CHSY1: variants seen among roughly 807,000 people sequenced by gnomAD.
CHSY1 encodes chondroitin sulfate synthase 1.
Under a neutral mutation model 59.8 loss-of-function variants are expected in CHSY1, and 13 were observed. The observed-to-expected ratio is 0.22, with a 90% confidence interval of 0.14 to 0.35. CHSY1 has a LOEUF of 0.35. Among genes scored for constraint, CHSY1 ranks in the 10% least tolerant of loss-of-function variants. The probability of loss-of-function intolerance (pLI) is 1.00; values close to 1 mark genes in which losing one functional copy is unlikely to be tolerated. For missense variants in CHSY1, 947 were observed against 1,030.6 expected, an observed-to-expected ratio of 0.92 and a Z score of 1.11; for synonymous variants, 459 against 401.2, an observed-to-expected ratio of 1.14 and a Z score of -1.72.
chr15:101,245,036 C>T (rs2039037053), intron 1 of CHSY1, among the ~76,000 whole-genome samples: 1 of 152,236 alleles, frequency 6.6e-6, no homozygotes, highest in African/African-American at 2.4e-5. Context: ...TCCTGTCCAG[C>T]TCTAGCTAGG....
At chr15:101,247,809 T>C (rs2039066073) in intron 1 of CHSY1, among the ~76,000 whole-genome samples, 1 of 152,238 alleles carries the variant, frequency 6.6e-6, no homozygotes, top group Non-Finnish European at 1.5e-5. Context: ...TGTGTAATGA[T>C]GGAGATGTTC....
intron 2 of CHSY1, among the ~76,000 whole-genome samples, chr15:101,192,057 C>T (rs2038452143): frequency 2.0e-5 from 3 of 152,248 alleles, no homozygotes; most frequent in South Asian, 2.1e-4. Context: ...CTAAAAAGCC[C>T]TATACAAAAA....
At chr15:101,195,581 G>A (rs1051195186) in intron 2 of CHSY1, among the ~76,000 whole-genome samples, 1 of 152,222 alleles carries the variant, frequency 6.6e-6, no homozygotes, top group African/African-American at 2.4e-5. Context: ...CAGCACCTTG[G>A]GAGGCTGAGA....
chr15:101,237,906 A>G (rs1473707091), intron 1 of CHSY1, among the ~76,000 whole-genome samples: 1 of 152,232 alleles, frequency 6.6e-6, no homozygotes, highest in African/African-American at 2.4e-5. Context: ...ACCTGTTACA[A>G]GTGTATTTAT....
chr15:101,237,787 G>A (rs527980712), intron 1 of CHSY1, among the ~76,000 whole-genome samples: 2 of 152,288 alleles, frequency 1.3e-5, no homozygotes, highest in South Asian at 4.1e-4. Flanking sequence ...CATTCATACA[G>A]ACTACTTCCA....
chr15:101,245,444 C>T (rs1446239572), intron 1 of CHSY1, among the ~76,000 whole-genome samples: 2 of 152,190 alleles, frequency 1.3e-5, no homozygotes, highest in East Asian at 3.8e-4. Flanking sequence ...TCTTCTGCTC[C>T]CCCACAGTGA....
rs140979269 is a variant in CHSY1 at position 101,243,350 on chromosome 15, T to C, written c.321-7773A>G. Among the ~76,000 whole-genome samples the C allele has an allele frequency of 7.5e-3, 1,136 of 152,320 alleles. 12 individuals are homozygous for C. The highest frequency in any genetic ancestry group is 0.026 in the African/African-American group (1,073 of 41,552). ...CATATCGCTGCTGTATCCTTAAAAGTATAAATATGCGACTAATACTTAATG... is the reference window on the plus strand; with the variant it reads ...CATATCGCTGCTGTATCCTTAAAAGCATAAATATGCGACTAATACTTAATG... On this transcript the variant is annotated intron_variant, in intron 1 of 2. Transcript: ENST00000254190.
At chr15:101,191,676 C>G (rs934653883) in intron 2 of CHSY1, among the ~76,000 whole-genome samples, 14 of 152,012 alleles carry the variant, frequency 9.2e-5, no homozygotes, top group African/African-American at 2.4e-4. Context: ...TAGGGGCAGG[C>G]GCCACTTGGG....
chr15:101,217,195 G>C (rs1402552890), intron 2 of CHSY1, among the ~76,000 whole-genome samples: 1 of 152,182 alleles, frequency 6.6e-6, no homozygotes, highest in South Asian at 2.1e-4. Flanking sequence ...TAAAAGCCAG[G>C]TTTCTCACTG....
chr15:101,242,550 GA>G (rs1409523349), intron 1 of CHSY1: 1 of 152,446 alleles, frequency 6.6e-6, no homozygotes, highest in African/African-American at 2.4e-5. Context: ...ATCCTTACAG[GA>G]AGTACAGTGT....
chr15:101,176,125 C>A lies in CHSY1; in HGVS notation c.*1263G>T. ...TTTCCAAAAGGAAATCTTTGGAGATCGGTTTACTGCAAATAAAACAGACTA... is the reference window on the plus strand; with the variant it reads ...TTTCCAAAAGGAAATCTTTGGAGATAGGTTTACTGCAAATAAAACAGACTA... On this transcript the variant is annotated 3_prime_UTR_variant, in exon 3 of 3. Transcript: ENST00000254190. The A allele has an allele frequency of 2.5e-6, 1 of 397,396 alleles. No individual in the cohort carries two copies. The highest frequency in any genetic ancestry group is 4.4e-6 in the Non-Finnish European group (1 of 225,602). The allele number at this position is 397,396 out of a possible 1,614,324, so 24.6% of individuals were successfully genotyped here.
intron 2 of CHSY1, among the ~76,000 whole-genome samples, chr15:101,219,432 C>T (rs1325074397): frequency 6.6e-6 from 1 of 152,194 alleles, no homozygotes; most frequent in Non-Finnish European, 1.5e-5. Context: ...AGCAGCTTCA[C>T]GAGGATGCAT....
chr15:101,178,933 G>A lies in CHSY1; in HGVS notation c.864C>T (p.Tyr288=). The A allele has an allele frequency of 6.2e-7, 1 of 1,613,910 alleles. No individual in the cohort carries two copies. The highest frequency in any genetic ancestry group is 8.5e-7 in the Non-Finnish European group (1 of 1,179,890). The change falls in exon 3 of 3, where the codon TAC becomes TAT. Residue 288 remains tyrosine (Y), a synonymous_variant. Transcript: ENST00000254190. ...TTTTACTGTTATGGAGATCTCTAAT[G>A]TACCCCTTTTTGTTCTGCTCGTAAT... ...YENYEQNKKG[Y]IRDLHNSKIH...
At chr15:101,215,981 C>G (rs1382247436) in intron 2 of CHSY1, among the ~76,000 whole-genome samples, 2 of 151,816 alleles carry the variant, frequency 1.3e-5, no homozygotes, top group Non-Finnish European at 2.9e-5. Flanking sequence ...AAAATCAAAC[C>G]CAACCTCAGA....
chr15:101,248,024 G>T (rs561029032), intron 1 of CHSY1, among the ~76,000 whole-genome samples: 2 of 152,034 alleles, frequency 1.3e-5, no homozygotes, highest in South Asian at 2.1e-4. Context: ...TCATCTATAA[G>T]CCAAACAACA....
intron 1 of CHSY1, among the ~76,000 whole-genome samples, chr15:101,249,025 G>A (rs1270104477): frequency 2.2e-5 from 3 of 139,288 alleles, no homozygotes; most frequent in African/African-American, 8.1e-5. Context: ...GGATGGTCTT[G>A]ATCTCCTGAC....
chr15:101,248,413 C>T (rs768896081), intron 1 of CHSY1, among the ~76,000 whole-genome samples: 3 of 152,262 alleles, frequency 2.0e-5, no homozygotes, highest in African/African-American at 7.2e-5. Context: ...AGGACCCTAA[C>T]TGGCAGGGCA....
Position 101,251,343 on chromosome 15 carries a change from G to A in CHSY1, c.114C>T (p.Gly38=), listed in dbSNP as rs773533401. ...CCTCGGGGCTGGCGCGGCGCCGTGG[G>A]CCCGCTCGCTTCAGCTCGGAAGCCC... ...LPRASELKRA[G]PRRRASPEGC... Residue 38 remains glycine (G), a synonymous_variant, in exon 1 of 3, where the codon GGC becomes GGT. Transcript: ENST00000254190. 1.7e-3 allele frequency: 1,919 copies of A among 1,144,000 alleles called. 27 individuals carry two copies. In the African/African-American group the frequency reaches 0.028, roughly 17 times the overall value. The allele number at this position is 1,144,000 out of a possible 1,614,324, so 70.9% of individuals were successfully genotyped here.
chr15:101,230,555 T>A (rs563873947), intron 2 of CHSY1, among the ~76,000 whole-genome samples: 30 of 152,270 alleles, frequency 2.0e-4, no homozygotes, highest in Middle Eastern at 3.4e-3. Flanking sequence ...TGAATTTTTT[T>A]TAAAAAAAGA....
Sources: gnomAD v4.1 joint callset for allele counts (sites outside exome capture counted in the v4.1 genomes callset) on GRCh38, gnomAD v4.1.1 for gene constraint, MANE v1.5 for transcripts, NCBI Gene and HGNC (gene_info 2026-07-23, HGNC 2026-07-21) for gene names.